Variants in PER3 observed in about 807,000 individuals in gnomAD.
PER3 encodes period circadian regulator 3.
Under a neutral mutation model 127.2 loss-of-function variants are expected in PER3, and 107 were observed. The ratio of observed to expected loss-of-function variants is 0.84; its 90% CI spans 0.72 to 0.99. PER3 has a LOEUF of 0.99. PER3 is among the 50% of genes least tolerant of loss of function. The probability of loss-of-function intolerance (pLI) is 0.00; values close to 1 mark genes in which losing one functional copy is unlikely to be tolerated. For missense variants in PER3, 1,560 were observed against 1,525.8 expected, an observed-to-expected ratio of 1.02 and a Z score of -0.37; for synonymous variants, 618 against 585.8, an observed-to-expected ratio of 1.05 and a Z score of -0.79.
intron 16 of PER3, among the ~76,000 whole-genome samples, chr1:7,821,155 C>A (rs1350873713): frequency 6.6e-6 from 1 of 152,152 alleles, no homozygotes; most frequent in Non-Finnish European, 1.5e-5. Context: ...CTTCTTATTC[C>A]TCTTTATTGC....
chr1:7,785,541 CT>C lies in PER3; in HGVS notation c.230del (p.Leu77GlnfsTer34). The stretch of plus-strand genomic sequence containing the variant: ...GGAGAGACGCAATAAACCAAGCACT[CT>C]AGATGCCCTCAACTATGCTCTCCGC... Reference protein sequence around the residue: ...PSERRNKPSTLDALNYALRCV... With the variant: ...PSERRNKPSTXDALNYALRCV... On this transcript the variant is annotated frameshift_variant, in exon 3 of 22. Transcript: ENST00000377532. LOFTEE classifies it high-confidence loss of function. 1 of 1,613,480 alleles carries C rather than the reference CT, an allele frequency of 6.2e-7. No individual in the cohort carries two copies. The highest frequency in any genetic ancestry group is 8.5e-7 in the Non-Finnish European group (1 of 1,179,484).
Position 7,829,930 on chromosome 1 carries a change from AC to A in PER3, c.2984del (p.Thr995MetfsTer12). The A allele has an allele frequency of 1.6e-6, 2 of 1,281,640 alleles. No homozygotes were observed. Among genetic ancestry groups the A allele is most frequent in the South Asian group, 1.7e-5 (1 of 57,358 alleles). The allele number at this position is 1,281,640 out of a possible 1,614,324, so 79.4% of individuals were successfully genotyped here. On this transcript the variant is annotated frameshift_variant, in exon 19 of 22. Coordinates refer to ENST00000377532, the MANE Select transcript of PER3 (RefSeq NM_001377275.1). LOFTEE classifies it high-confidence loss of function. ...SPPRENPSHPTASALSTGSPP... is the reference protein window; with the variant it reads ...SPPRENPSHPXASALSTGSPP... The stretch of plus-strand genomic sequence containing the variant: ...TCCCAGGGAGAATCCATCCCATCCT[AC>A]TGCCAGCGCTCTGTCCACAGGATCG...
intron 21 of PER3, among the ~76,000 whole-genome samples, chr1:7,838,417 C>A (rs1318090579): frequency 1.3e-5 from 2 of 151,072 alleles, no homozygotes; most frequent in Non-Finnish European, 3.0e-5. Context: ...TCTCTTTTTT[C>A]TTTTTTTTTG....
intron 16 of PER3, among the ~76,000 whole-genome samples, chr1:7,825,136 G>A (rs2097295472): frequency 6.6e-6 from 1 of 151,714 alleles, no homozygotes; most frequent in African/African-American, 2.4e-5. Flanking sequence ...TTAGTCACAG[G>A]CCACTTCTGG....
Position 7,827,593 on chromosome 1 carries a change from A to G in PER3, c.2664A>G (p.Ser888=). ...FLGATASSAI[S]PSMSSAMSPT... ...GGGCGACAGCCTCTTCTGCGATATC[A>G]CCCTCAATGTCGTCAGCAATGAGTC... Residue 888 remains serine, a synonymous_variant, in exon 18 of 22, where the codon TCA becomes TCG. Transcript: ENST00000377532. 1 of 1,613,664 alleles carries G rather than the reference A, an allele frequency of 6.2e-7. No homozygotes were observed. The highest frequency in any genetic ancestry group is 8.5e-7 in the Non-Finnish European group (1 of 1,179,952).
intron 13 of PER3, among the ~76,000 whole-genome samples, chr1:7,815,696 A>T (rs1207600604): frequency 6.6e-6 from 1 of 152,118 alleles, no homozygotes; most frequent in African/African-American, 2.4e-5. Context: ...GGAAATAAAA[A>T]CATTTTGGGC....
chr1:7,785,340 A>G, intron 2 of PER3, 101 bp from the exon 3 acceptor site: 2 of 886,624 alleles, frequency 2.3e-6, no homozygotes, highest in South Asian at 3.2e-5. Context: ...TGATGCCGGT[A>G]GAGCACTTAG....
Position 7,785,013 on chromosome 1 carries a change from G to T in PER3, c.128+8G>T, listed in dbSNP as rs367837929. 5.5e-5 allele frequency: 86 copies of T among 1,570,146 alleles called. No individual in the cohort carries two copies. Among genetic ancestry groups the T allele is most frequent in the Non-Finnish European group, 7.2e-5 (84 of 1,165,018 alleles). ...GGCGGACAGCAGCCACAGGTGACGC[G>T]CTGGCTTCAGGCCGAGGGCCCCATG... On this transcript the variant is annotated splice_region_variant and intron_variant, in intron 2 of 21. Coordinates refer to ENST00000377532, the MANE Select transcript of PER3 (RefSeq NM_001377275.1).
intron 16 of PER3, among the ~76,000 whole-genome samples, chr1:7,823,307 A>T (rs900498327): frequency 2.0e-5 from 3 of 152,216 alleles, no homozygotes; most frequent in African/African-American, 7.2e-5. Context: ...CATCAGGAAG[A>T]CATAACAGTC....
chr1:7,821,240 T>G (rs918206391), intron 16 of PER3, among the ~76,000 whole-genome samples: 3 of 152,236 alleles, frequency 2.0e-5, no homozygotes, highest in African/African-American at 7.2e-5. Flanking sequence ...TACGTTAAAT[T>G]GGGTTTTCAC....
At position 7,827,564 on chromosome 1, in the gene PER3, C is replaced by T. The variant is rs1190759940; in HGVS notation, c.2635C>T (p.Leu879=). The change falls in exon 18 of 22, where the codon CTG becomes TTG. Residue 879 remains leucine (L), a synonymous_variant. Transcript: ENST00000377532. ...LSPSFLPCPF[L]GATASSAISP... is the part of the protein sequence containing the mutation. ...GCCATCGTTTTTGCCATGTCCATTC[C>T]TGGGGGCGACAGCCTCTTCTGCGAT... is the stretch of plus-strand genomic sequence containing the variant. 6.2e-7 allele frequency: 1 copy of T among 1,614,046 alleles called. No individual in the cohort carries two copies. Among genetic ancestry groups the T allele is most frequent in the African/African-American group, 1.3e-5 (1 of 74,908 alleles).
chr1:7,816,154 C>T (rs763175122), intron 13 of PER3, among the ~76,000 whole-genome samples: 3 of 151,706 alleles, frequency 2.0e-5, no homozygotes, highest in Non-Finnish European at 4.4e-5. Flanking sequence ...TAAGCTTCCT[C>T]CTTAAAAATA....
intron 5 of PER3, among the ~76,000 whole-genome samples, chr1:7,793,192 A>G (rs2097129727): frequency 6.6e-6 from 1 of 152,244 alleles, no homozygotes; most frequent in South Asian, 2.1e-4. Flanking sequence ...TTCAGTGAAC[A>G]AATGCCCAAA....
At chr1:7,830,999 CA>C (rs2097329078) in intron 19 of PER3, among the ~76,000 whole-genome samples, 2 of 152,164 alleles carry the variant, frequency 1.3e-5, no homozygotes, top group African/African-American at 4.8e-5. Context: ...TCAGTTTCTA[CA>C]AAAAAGTCTC....
In PER3 at chr1:7,785,580, GTT is replaced by G. The variant is rs758447039; in HGVS notation, c.269_270del (p.Val90AlafsTer5). Reference sequence around the variant, plus strand: ...CTATGCTCTCCGCTGTGTCCACAGCGTTCAAGGTAAACAAGCCGGAGAGAAAT... The same window carrying G: ...CTATGCTCTCCGCTGTGTCCACAGCGCAAGGTAAACAAGCCGGAGAGAAAT... ...LNYALRCVHS[V>X]QANSEFFQIL... On this transcript the variant is annotated frameshift_variant, in exon 3 of 22. Coordinates refer to ENST00000377532, the MANE Select transcript of PER3 (RefSeq NM_001377275.1). LOFTEE classifies it high-confidence loss of function. The G allele has an allele frequency of 1.9e-6, 3 of 1,609,890 alleles. No homozygotes were observed. The highest frequency in any genetic ancestry group is 2.5e-6 in the Non-Finnish European group (3 of 1,178,080).
chr1:7,827,204 AGCAGCTC>A lies in PER3; in HGVS notation c.2277_2283del (p.Ser759ArgfsTer96). On this transcript the variant is annotated frameshift_variant, in exon 18 of 22. Transcript: ENST00000377532. LOFTEE classifies it high-confidence loss of function. ...GAAGCTGCCGGAGCCGCCAGACAGC[AGCAGCTC>A]GAACACCGGCTCTGGTCCCCGCAGG... 6.2e-7 allele frequency: 1 copy of A among 1,613,860 alleles called. No individual in the cohort carries two copies. The highest frequency in any genetic ancestry group is 8.5e-7 in the Non-Finnish European group (1 of 1,179,932).
Position 7,827,536 on chromosome 1 carries a change from G to T in PER3, c.2607G>T (p.Leu869Phe). ...FLPDPPVCPL[L>F]SPSFLPCPFL... ...CTGACCCCCCTGTCTGTCCTCTGTT[G>T]TCGCCATCGTTTTTGCCATGTCCAT... Residue 869 changes from leucine (L) to phenylalanine (F), a missense_variant, in exon 18 of 22, where the codon TTG becomes TTT. By Grantham distance (22) the Leu-to-Phe change is conservative. Coordinates refer to ENST00000377532, the MANE Select transcript of PER3 (RefSeq NM_001377275.1). 1 of 1,614,110 alleles carries T rather than the reference G, an allele frequency of 6.2e-7. No individual in the cohort carries two copies. Among genetic ancestry groups the T allele is most frequent in the South Asian group, 1.1e-5 (1 of 91,082 alleles).
At chr1:7,837,688 G>A (rs1281223299) in intron 21 of PER3, among the ~76,000 whole-genome samples, 1 of 152,308 alleles carries the variant, frequency 6.6e-6, no homozygotes, top group East Asian at 1.9e-4. Flanking sequence ...ACCAGTGTTG[G>A]TGGCAGCTGT....
Position 7,807,852 on chromosome 1 carries a change from G to A in PER3, c.1137-1041G>A, listed in dbSNP as rs375915273. Among the ~76,000 whole-genome samples the A allele has an allele frequency of 1.6e-4, 24 of 152,292 alleles. 2 individuals carry two copies. In the South Asian group the frequency reaches 4.8e-3, roughly 30 times the overall value. On this transcript the variant is annotated intron_variant, in intron 10 of 21. Coordinates refer to ENST00000377532, the MANE Select transcript of PER3 (RefSeq NM_001377275.1). ...TTACCTGCCAGGCCACCTGGAAAAG[G>A]TATTTAATCAGGTGAAGGAGAAAAT...
Sources: allele counts gnomAD v4.1 joint callset (sites outside exome capture counted in the v4.1 genomes callset), GRCh38; gene constraint gnomAD v4.1.1; transcripts MANE v1.5; gene names NCBI Gene and HGNC (gene_info 2026-07-23, HGNC 2026-07-21).